The following TSC22D1 variants were observed in gnomAD, a reference collection of about 807,000 sequenced individuals.
TSC22D1 encodes TSC22 domain family protein 1.
A neutral mutation model predicts 74.2 loss-of-function variants in TSC22D1; 9 were observed. That is an observed-to-expected ratio of 0.12 (90% CI 0.07 to 0.21). TSC22D1 has a LOEUF of 0.21. TSC22D1 is among the 10% of genes least tolerant of loss of function. The pLI, the probability that TSC22D1 is intolerant of heterozygous loss-of-function variation, is 1.00. For synonymous variants in TSC22D1, 586 were observed against 492.5 expected, an observed-to-expected ratio of 1.19 and a Z score of -2.51; for missense variants, 1,427 against 1,304.7, an observed-to-expected ratio of 1.09 and a Z score of -1.44.
intron 1 of TSC22D1, among the ~76,000 whole-genome samples, chr13:44,492,851 A>T (rs1257616588): frequency 6.6e-6 from 1 of 152,220 alleles, no homozygotes; most frequent in Non-Finnish European, 1.5e-5. Flanking sequence ...TGACAAAAAA[A>T]ACTTCTTAAA....
At chr13:44,497,662 ACT>A (rs1334217818) in intron 1 of TSC22D1, among the ~76,000 whole-genome samples, 4 of 152,154 alleles carry the variant, frequency 2.6e-5, no homozygotes, top group Non-Finnish European at 5.9e-5. Flanking sequence ...CCCACCTGTC[ACT>A]GAGCTAAGGC....
At chr13:44,532,322 T>C (rs1566156990) in intron 1 of TSC22D1, among the ~76,000 whole-genome samples, 1 of 152,230 alleles carries the variant, frequency 6.6e-6, no homozygotes, top group South Asian at 2.1e-4. Context: ...TCAAGCACTT[T>C]ACTGGATAAA....
chr13:44,464,463 T>G (rs1256054815), intron 1 of TSC22D1, among the ~76,000 whole-genome samples: 1 of 152,166 alleles, frequency 6.6e-6, no homozygotes, highest in Non-Finnish European at 1.5e-5. Flanking sequence ...TTAATCAAAT[T>G]TGTCTAGGAT....
chr13:44,534,301 TTGG>T (rs1311078543), intron 1 of TSC22D1, among the ~76,000 whole-genome samples: 1 of 148,252 alleles, frequency 6.7e-6, no homozygotes, highest in East Asian at 2.0e-4. Context: ...AGAGGATCAC[TTGG>T]TGAACTATAA....
intron 1 of TSC22D1, among the ~76,000 whole-genome samples, chr13:44,504,477 G>A (rs1258133086): frequency 2.6e-5 from 4 of 151,888 alleles, no homozygotes; most frequent in Non-Finnish European, 5.9e-5. Flanking sequence ...GGTGGCTTGC[G>A]CCTGTGTTCC....
At chr13:44,497,522 G>A (rs1879030598) in intron 1 of TSC22D1, among the ~76,000 whole-genome samples, 1 of 152,142 alleles carries the variant, frequency 6.6e-6, no homozygotes, top group Admixed American at 6.5e-5. Flanking sequence ...TTAATCTTAT[G>A]TTGTTTATAA....
chr13:44,558,642 A>C (rs1882844391), intron 1 of TSC22D1, among the ~76,000 whole-genome samples: 1 of 152,222 alleles, frequency 6.6e-6, no homozygotes, highest in African/African-American at 2.4e-5. Flanking sequence ...TAGGAGGCTG[A>C]GGCAGAAGAA....
At chr13:44,528,539 C>G (rs913656994) in intron 1 of TSC22D1, among the ~76,000 whole-genome samples, 1 of 151,744 alleles carries the variant, frequency 6.6e-6, no homozygotes. Context: ...GCAGCAGAAA[C>G]AGTGCTAGAG....
chr13:44,474,254 G>A (rs1254608956), intron 1 of TSC22D1: 2 of 985,258 alleles, frequency 2.0e-6, no homozygotes, highest in Non-Finnish European at 2.4e-6. Flanking sequence ...AAAGCTTCAC[G>A]CTACAGACTA....
At chr13:44,551,404 G>A (rs796345596) in intron 1 of TSC22D1, among the ~76,000 whole-genome samples, 18 of 150,814 alleles carry the variant, frequency 1.2e-4, no homozygotes, top group African/African-American at 4.1e-4. Context: ...GTGTGTGTGT[G>A]TGTGTGTGTG....
intron 1 of TSC22D1, among the ~76,000 whole-genome samples, chr13:44,490,450 GTATGC>G (rs1437069131): frequency 3.4e-5 from 5 of 148,720 alleles, no homozygotes; most frequent in Admixed American, 1.3e-4. Context: ...TTTCCTCTCT[GTATGC>G]TATATTTCAA....
chr13:44,472,930 GA>G (rs1419284629), intron 1 of TSC22D1, among the ~76,000 whole-genome samples: 1 of 152,128 alleles, frequency 6.6e-6, no homozygotes, highest in Non-Finnish European at 1.5e-5. Context: ...ATTTAAAAAA[GA>G]AAGAGATTTA....
At chr13:44,572,511 T>C (rs1883839119) in intron 1 of TSC22D1, among the ~76,000 whole-genome samples, 1 of 152,244 alleles carries the variant, frequency 6.6e-6, no homozygotes, top group Non-Finnish European at 1.5e-5. Flanking sequence ...TTCAGCATAC[T>C]ATCAAGATAA....
intron 1 of TSC22D1, among the ~76,000 whole-genome samples, chr13:44,503,338 CAG>C (rs1470250308): frequency 2.0e-5 from 3 of 150,916 alleles, no homozygotes; most frequent in Non-Finnish European, 4.4e-5. Flanking sequence ...AGAAAAAAAA[CAG>C]AGAAGAGAGA....
At chr13:44,451,678 G>A (rs559342662) in intron 1 of TSC22D1, among the ~76,000 whole-genome samples, 1 of 152,354 alleles carries the variant, frequency 6.6e-6, no homozygotes, top group South Asian at 2.1e-4. Context: ...CCAATGAATT[G>A]AGACTTTAAG....
At chr13:44,436,476 T>A (rs776720155) in intron 1 of TSC22D1, 1 of 1,609,122 alleles carries the variant, frequency 6.2e-7, no homozygotes, top group East Asian at 2.2e-5. Flanking sequence ...CGAATAAATT[T>A]AAAGAAACTA....
intron 1 of TSC22D1, among the ~76,000 whole-genome samples, chr13:44,568,368 G>A (rs1883518923): frequency 6.6e-6 from 1 of 152,146 alleles, no homozygotes; most frequent in South Asian, 2.1e-4. Context: ...AGAGGCATCT[G>A]ATGAAAAGTG....
chr13:44,555,330 C>G (rs970637463), intron 1 of TSC22D1, among the ~76,000 whole-genome samples: 5 of 151,876 alleles, frequency 3.3e-5, no homozygotes, highest in African/African-American at 1.2e-4. Flanking sequence ...ATACGTAGGT[C>G]GGGCGTGGTG....
At chr13:44,483,545 C>A (rs1411696592) in intron 1 of TSC22D1, among the ~76,000 whole-genome samples, 2 of 151,966 alleles carry the variant, frequency 1.3e-5, no homozygotes, top group Admixed American at 1.3e-4. Flanking sequence ...TGGTAGCAGG[C>A]GCCTGTAGTC....
Sources: allele counts gnomAD v4.1 joint callset (sites outside exome capture counted in the v4.1 genomes callset), GRCh38; gene constraint gnomAD v4.1.1; transcripts MANE v1.5; gene names NCBI Gene and HGNC (gene_info 2026-07-23, HGNC 2026-07-21).